Variants in SLC4A10 observed in about 807,000 individuals in gnomAD.
SLC4A10 encodes the protein sodium-driven chloride bicarbonate exchanger.
A neutral mutation model predicts 137.7 loss-of-function variants in SLC4A10; 42 were observed. The observed-to-expected ratio is 0.30, with a 90% CI of 0.24 to 0.39. The LOEUF (loss-of-function observed/expected upper bound fraction) is 0.39. Ranked by LOEUF, SLC4A10 falls within the 10% of genes least tolerant of loss-of-function variation. The pLI is 1.00. For missense variants in SLC4A10, 925 were observed against 1,355.0 expected (o/e 0.68, Z 4.98); for synonymous variants, 474 against 464.1 (o/e 1.02, Z -0.27).
chr2:161,700,889 G>A (rs2043057026), intron 1 of SLC4A10, among the ~76,000 whole-genome samples: 1 of 152,020 alleles, frequency 6.6e-6, no homozygotes, highest in Non-Finnish European at 1.5e-5. Flanking sequence ...CATGTATTTT[G>A]TGTCTGATTC....
chr2:161,712,827 C>T (rs1349953519), intron 1 of SLC4A10, among the ~76,000 whole-genome samples: 2 of 151,894 alleles, frequency 1.3e-5, no homozygotes, highest in African/African-American at 2.4e-5. Flanking sequence ...GCTGCTGTTT[C>T]CCCCAAATTG....
At chr2:161,683,330 A>G (rs889379686) in intron 1 of SLC4A10, among the ~76,000 whole-genome samples, 5 of 152,222 alleles carry the variant, frequency 3.3e-5, no homozygotes, top group Admixed American at 3.3e-4. Context: ...ACTTTTGTTT[A>G]ATAAATGAAT....
At chr2:161,929,501 GT>G (rs1405315991) in intron 15 of SLC4A10, among the ~76,000 whole-genome samples, 1 of 152,170 alleles carries the variant, frequency 6.6e-6, no homozygotes, top group Non-Finnish European at 1.5e-5. Flanking sequence ...GTTTCAACAA[GT>G]CACACATATT....
At chr2:161,866,488 T>C (rs1212654729) in intron 6 of SLC4A10, among the ~76,000 whole-genome samples, 1 of 152,014 alleles carries the variant, frequency 6.6e-6, no homozygotes, top group Non-Finnish European at 1.5e-5. Flanking sequence ...AATGCCACCA[T>C]GCTGTGTTTA....
intron 2 of SLC4A10, among the ~76,000 whole-genome samples, chr2:161,789,081 C>T (rs1336172861): frequency 6.6e-6 from 1 of 152,194 alleles, no homozygotes; most frequent in African/African-American, 2.4e-5. Context: ...TTGGACAGGG[C>T]ACTGGCCCAC....
intron 1 of SLC4A10, among the ~76,000 whole-genome samples, chr2:161,698,349 T>C (rs888852622): frequency 6.6e-6 from 1 of 152,230 alleles, no homozygotes. Context: ...CTATGTTGAA[T>C]AGGAGTGGTG....
In SLC4A10 at chr2:161,804,611, C is replaced by T; in HGVS notation, c.277+16C>T. 2 of 1,592,360 alleles carry T rather than the reference C, an allele frequency of 1.3e-6. No homozygotes were observed. The highest frequency in any genetic ancestry group is 1.7e-6 in the Non-Finnish European group (2 of 1,168,948). On this transcript the variant is annotated intron_variant, in intron 3 of 26. Transcript: ENST00000446997. ...CCTTCTTTTGGTAAGAATCCTTCTC[C>T]TTGTTTTTATTAAGTTAATTATTGT...
chr2:161,975,479 G>A (rs1039159435), intron 24 of SLC4A10, among the ~76,000 whole-genome samples: 1 of 152,138 alleles, frequency 6.6e-6, no homozygotes, highest in African/African-American at 2.4e-5. Flanking sequence ...TTGCTCAGAA[G>A]ACTCTTCCTC....
intron 15 of SLC4A10, among the ~76,000 whole-genome samples, chr2:161,914,709 C>T (rs1054282305): frequency 1.3e-5 from 2 of 152,106 alleles, no homozygotes; most frequent in Non-Finnish European, 2.9e-5. Flanking sequence ...TATTTCTCCT[C>T]ACTCTGAAAT....
At chr2:161,725,507 A>T (rs2046118969) in intron 1 of SLC4A10, among the ~76,000 whole-genome samples, 2 of 152,204 alleles carry the variant, frequency 1.3e-5, no homozygotes. Flanking sequence ...GCAAAGTCAG[A>T]ATTATTCAAT....
At chr2:161,830,583 G>A (rs1487305505) in intron 3 of SLC4A10, among the ~76,000 whole-genome samples, 1 of 151,164 alleles carries the variant, frequency 6.6e-6, no homozygotes, top group Non-Finnish European at 1.5e-5. Flanking sequence ...AAGCTGACAT[G>A]TTGATGAGAT....
chr2:161,697,482 A>G (rs1471483576), intron 1 of SLC4A10, among the ~76,000 whole-genome samples: 4 of 152,004 alleles, frequency 2.6e-5, no homozygotes, highest in Non-Finnish European at 4.4e-5. Flanking sequence ...TAATTTTTGT[A>G]CAAGGTGTAA....
chr2:161,733,484 A>C (rs1346434654), intron 1 of SLC4A10, among the ~76,000 whole-genome samples: 1 of 152,228 alleles, frequency 6.6e-6, no homozygotes, highest in Non-Finnish European at 1.5e-5. Flanking sequence ...CAGAGGATGC[A>C]TGGAAATGCC....
chr2:161,660,268 A>G (rs2038112244), intron 1 of SLC4A10, among the ~76,000 whole-genome samples: 1 of 152,250 alleles, frequency 6.6e-6, no homozygotes, highest in African/African-American at 2.4e-5. Context: ...TCTAACAACT[A>G]CTAAGTTATA....
chr2:161,962,923 GT>G (rs1450985824), intron 21 of SLC4A10, among the ~76,000 whole-genome samples: 2 of 152,074 alleles, frequency 1.3e-5, no homozygotes, highest in Non-Finnish European at 2.9e-5. Context: ...ATTGCCTACA[GT>G]TTTTAAAATA....
chr2:161,864,527 A>T (rs2060622134), intron 6 of SLC4A10, among the ~76,000 whole-genome samples: 1 of 152,206 alleles, frequency 6.6e-6, no homozygotes, highest in Non-Finnish European at 1.5e-5. Flanking sequence ...CCAGTTCTTA[A>T]TGACAAAATC....
intron 2 of SLC4A10, among the ~76,000 whole-genome samples, chr2:161,776,837 T>C (rs1234059686): frequency 6.7e-6 from 1 of 150,008 alleles, no homozygotes; most frequent in East Asian, 2.0e-4. Context: ...CTCCACATCC[T>C]TGCCAACACT....
At chr2:161,686,005 C>A (rs2041363226) in intron 1 of SLC4A10, among the ~76,000 whole-genome samples, 1 of 152,122 alleles carries the variant, frequency 6.6e-6, no homozygotes, top group Admixed American at 6.5e-5. Flanking sequence ...ATTCTGGGCC[C>A]AAAGGAGTTA....
In SLC4A10 at chr2:161,905,280, G is replaced by A. The variant is rs1288891657; in HGVS notation, c.1752-362G>A. On this transcript the variant is annotated intron_variant, in intron 14 of 26. Coordinates refer to ENST00000446997, the MANE Select transcript of SLC4A10 (RefSeq NM_001178015.2). ...TTTTGGAATGAAACTGTTCACCTCAGATCATCAGGCATTAGATTCTCATAA... is the reference window on the plus strand; with the variant it reads ...TTTTGGAATGAAACTGTTCACCTCAAATCATCAGGCATTAGATTCTCATAA... 2.0e-5 allele frequency among the ~76,000 whole-genome samples: 3 copies of A among 152,172 alleles called. No homozygotes were observed. The East Asian group carries it at 5.8e-4, about 29-fold the overall frequency.
Sources: allele counts gnomAD v4.1 joint callset (sites outside exome capture counted in the v4.1 genomes callset), GRCh38; gene constraint gnomAD v4.1.1; transcripts MANE v1.5; gene names NCBI Gene and HGNC (gene_info 2026-07-23, HGNC 2026-07-21).